The following CCDC33 variants were observed in gnomAD, a reference collection of about 807,000 sequenced individuals.
CCDC33 encodes the protein coiled-coil domain-containing protein 33.
Under a neutral mutation model 91.9 loss-of-function variants are expected in CCDC33, and 94 were observed. The ratio of observed to expected loss-of-function variants is 1.02; its 90% confidence interval spans 0.87 to 1.21. CCDC33 has a LOEUF of 1.21. CCDC33 is among the 50% of genes most tolerant of loss of function. The probability of loss-of-function intolerance (pLI) is 0.00; values close to 1 mark genes in which losing one functional copy is unlikely to be tolerated. For synonymous variants in CCDC33, 396 were observed against 374.5 expected, an observed-to-expected ratio of 1.06 and a Z score of -0.66; for missense variants, 940 against 935.5, an observed-to-expected ratio of 1.00 and a Z score of -0.06.
chr15:74,308,350 G>GACACACACAC (rs1220945672), intron 11 of CCDC33, among the ~76,000 whole-genome samples: 6 of 146,446 alleles, frequency 4.1e-5, no homozygotes, highest in African/African-American at 1.0e-4. Flanking sequence ...CATGTGTGCA[G>GACACACACAC]ACAGACAGAC....
intron 1 of CCDC33, among the ~76,000 whole-genome samples, chr15:74,203,804 G>A (rs1048794246): frequency 1.3e-5 from 2 of 152,066 alleles, no homozygotes; most frequent in African/African-American, 4.8e-5. Flanking sequence ...TAGTCCAAGA[G>A]CATTTGGGGA....
intron 12 of CCDC33, 77 bp from the exon 13 acceptor site, chr15:74,330,586 C>T: frequency 7.9e-7 from 1 of 1,268,702 alleles, no homozygotes. Flanking sequence ...GGGATATCTG[C>T]CTTCCTGCTA....
intron 1 of CCDC33, among the ~76,000 whole-genome samples, chr15:74,204,133 A>G (rs1001420739): frequency 1.3e-5 from 2 of 152,222 alleles, no homozygotes; most frequent in Admixed American, 6.5e-5. Context: ...CAGAGATATC[A>G]GCATCTGCTG....
At chr15:74,280,537 T>G in intron 8 of CCDC33, 131 bp from the exon 9 acceptor site, 2 of 983,308 alleles carry the variant, frequency 2.0e-6, no homozygotes, top group Non-Finnish European at 2.9e-6. Flanking sequence ...GAGAAGAGGA[T>G]GTATGTGCAG....
intron 11 of CCDC33, among the ~76,000 whole-genome samples, chr15:74,327,280 C>T (rs1414446407): frequency 6.6e-6 from 1 of 152,202 alleles, no homozygotes; most frequent in African/African-American, 2.4e-5. Context: ...CATGCTCTCC[C>T]TCCATCTCCT....
upstream of CCDC33, among the ~76,000 whole-genome samples, chr15:74,216,176 C>T (rs1026399819): frequency 6.6e-6 from 1 of 152,056 alleles, no homozygotes; most frequent in Non-Finnish European, 1.5e-5. Context: ...GGCAGAGGTA[C>T]ACCACCGCCT....
chr15:74,276,040 A>T (rs893541914), intron 7 of CCDC33, among the ~76,000 whole-genome samples: 13 of 151,994 alleles, frequency 8.6e-5, no homozygotes, highest in African/African-American at 2.9e-4. Flanking sequence ...CCCTCAGCAG[A>T]CCTCCTTCCT....
In CCDC33 at chr15:74,336,138, G is replaced by A. The variant is rs2060563707; in HGVS notation, c.*85G>A. On this transcript the variant is annotated 3_prime_UTR_variant, in exon 19 of 19. Transcript: ENST00000398814. The stretch of plus-strand genomic sequence containing the variant: ...TGACGTTATTAAATGTTGTAGCTCT[G>A]TGAGCATTTTCCTCTTTCCTGGAGC... 9 of 1,556,574 alleles carry A rather than the reference G, an allele frequency of 5.8e-6. No homozygotes were observed. The highest frequency in any genetic ancestry group is 7.8e-6 in the Non-Finnish European group (9 of 1,153,576).
chr15:74,303,724 C>G (rs563256803), intron 11 of CCDC33: 2 of 152,926 alleles, frequency 1.3e-5, no homozygotes, highest in East Asian at 3.8e-4. Flanking sequence ...GAAGGCTTCT[C>G]AGGGCCCCAG....
At chr15:74,315,917 A>G (rs1229406584) in intron 11 of CCDC33, among the ~76,000 whole-genome samples, 3 of 152,048 alleles carry the variant, frequency 2.0e-5, no homozygotes, top group Non-Finnish European at 2.9e-5. Context: ...AGTGTGAATA[A>G]AGCCCCAATG....
intron 11 of CCDC33, among the ~76,000 whole-genome samples, chr15:74,329,176 A>G (rs1348308570): frequency 6.6e-6 from 1 of 152,172 alleles, no homozygotes; most frequent in Non-Finnish European, 1.5e-5. Context: ...ATATATATAT[A>G]TACATGCACA....
chr15:74,273,470 T>A (rs947247473), intron 7 of CCDC33, among the ~76,000 whole-genome samples: 1 of 152,244 alleles, frequency 6.6e-6, no homozygotes, highest in Non-Finnish European at 1.5e-5. Context: ...TTTAACCCAG[T>A]AAAAAAATTT....
intron 10 of CCDC33, among the ~76,000 whole-genome samples, chr15:74,293,036 G>A (rs1257711494): frequency 1.3e-5 from 2 of 152,116 alleles, no homozygotes; most frequent in Admixed American, 6.5e-5. Flanking sequence ...CTCTGACCAG[G>A]GGCTCAGTAA....
At chr15:74,315,184 G>T (rs541020910) in intron 11 of CCDC33, among the ~76,000 whole-genome samples, 5 of 152,342 alleles carry the variant, frequency 3.3e-5, no homozygotes, top group Admixed American at 2.0e-4. Flanking sequence ...GGACCTTCTG[G>T]CTAGGCCAGC....
intron 1 of CCDC33, chr15:74,208,051 A>G: frequency 7.6e-7 from 1 of 1,312,238 alleles, no homozygotes; most frequent in East Asian, 3.4e-5. Flanking sequence ...CATCATCATA[A>G]CATAAAGGAT....
intron 11 of CCDC33, among the ~76,000 whole-genome samples, chr15:74,318,343 G>A (rs1389521304): frequency 6.6e-6 from 1 of 152,060 alleles, no homozygotes; most frequent in Admixed American, 6.5e-5. Context: ...TCAGAAGGCC[G>A]GAGCCCTGAA....
intron 11 of CCDC33, among the ~76,000 whole-genome samples, 172 bp downstream of exon 11, chr15:74,296,120 G>A (rs2059681447): frequency 6.6e-6 from 1 of 152,218 alleles, no homozygotes; most frequent in Non-Finnish European, 1.5e-5. Context: ...GGGCGCTGTG[G>A]CTTCTTCGTT....
chr15:74,330,682 G>A lies in CCDC33; in HGVS notation c.1476G>A (p.Leu492=), dbSNP rs781626484. Residue 492 remains leucine, a synonymous_variant, in exon 13 of 19, where the codon CTG becomes CTA. Transcript: ENST00000398814. ...AQNTVSMKQK[L]LLSELDMKKL... is the part of the protein sequence containing the mutation. Reference sequence around the variant, plus strand: ...TAACAGTGTCCATGAAGCAGAAACTGCTGCTGAGTGAGCTGGATATGAAGA... The same window carrying A: ...TAACAGTGTCCATGAAGCAGAAACTACTGCTGAGTGAGCTGGATATGAAGA... The A allele has an allele frequency of 3.1e-6, 5 of 1,613,446 alleles. No individual in the cohort carries two copies. The highest frequency in any genetic ancestry group is 3.3e-5 in the Admixed American group (2 of 60,006).
intron 11 of CCDC33, among the ~76,000 whole-genome samples, chr15:74,312,262 A>T (rs1484211): frequency 0.97 from 147,079 of 152,282 alleles, 71,217 homozygotes; most frequent in East Asian, 1. Flanking sequence ...GGTCCTGAAT[A>T]GTGTCCCTTG....
Sources: gnomAD v4.1 joint callset for allele counts (sites outside exome capture counted in the v4.1 genomes callset) on GRCh38, gnomAD v4.1.1 for gene constraint, MANE v1.5 for transcripts, NCBI Gene and HGNC (gene_info 2026-07-23, HGNC 2026-07-21) for gene names.